The following LGR5 variants were observed in gnomAD, a reference collection of about 807,000 sequenced individuals.
LGR5 encodes leucine-rich repeat-containing G protein-coupled receptor 5.
Under a neutral mutation model 76.7 loss-of-function variants are expected in LGR5, and 54 were observed. The ratio of observed to expected loss-of-function variants is 0.70; its 90% CI spans 0.57 to 0.88. The LOEUF is 0.88. LGR5 is among the 40% of genes least tolerant of loss of function. LGR5 has a pLI of 0.00. For synonymous variants in LGR5, 406 were observed against 421.9 expected (o/e 0.96, Z 0.46); for missense variants, 1,078 against 1,073.3 (o/e 1.00, Z -0.06).
chr12:71,464,381 C>A (rs1292417687), intron 1 of LGR5, among the ~76,000 whole-genome samples: 1 of 152,106 alleles, frequency 6.6e-6, no homozygotes, highest in Non-Finnish European at 1.5e-5. Flanking sequence ...AGGAGCCGTG[C>A]CCAGAATCAA....
chr12:71,469,454 G>C (rs1257478137), intron 1 of LGR5, among the ~76,000 whole-genome samples: 2 of 152,236 alleles, frequency 1.3e-5, no homozygotes, highest in Non-Finnish European at 2.9e-5. Flanking sequence ...CCAATTGCCT[G>C]CCTCCGCGTG....
intron 13 of LGR5, among the ~76,000 whole-genome samples, chr12:71,575,733 T>TGC (rs887665034): frequency 9.0e-6 from 1 of 110,506 alleles, no homozygotes; most frequent in African/African-American, 2.7e-5. Context: ...TGTGTGTGTG[T>TGC]GTGTGTGTGT....
At position 71,524,436 on chromosome 12, in the gene LGR5, TC is replaced by T; in HGVS notation, c.318del (p.Lys107ArgfsTer20). The T allele has an allele frequency of 6.2e-7, 1 of 1,613,432 alleles. No individual in the cohort carries two copies. The highest frequency in any genetic ancestry group is 8.5e-7 in the Non-Finnish European group (1 of 1,179,570). The stretch of plus-strand genomic sequence containing the variant: ...TTGCGGGAAACGCTCTGACATACAT[TC>T]CCAAGGGAGCATTCACTGGCCTTTA... ...RLAGNALTYI[P>X]KGAFTGLYSL... On this transcript the variant is annotated frameshift_variant, in exon 3 of 18. Coordinates refer to ENST00000266674, the MANE Select transcript of LGR5 (RefSeq NM_003667.4). LOFTEE classifies it high-confidence loss of function.
chr12:71,529,772 A>G lies in LGR5; in HGVS notation c.356+5295A>G, dbSNP rs528464449. Among the ~76,000 whole-genome samples, 63 of 152,256 alleles carry G rather than the reference A, an allele frequency of 4.1e-4. 1 individual carries two copies. The highest frequency in any genetic ancestry group is 7.2e-4 in the Non-Finnish European group (49 of 68,018). The stretch of plus-strand genomic sequence containing the variant: ...GGAGTTTAAGACCAACCTGGCCAAC[A>G]TGCTGAAACCTCATCTCTACTAAAA... On this transcript the variant is annotated intron_variant, in intron 3 of 17. Coordinates refer to ENST00000266674, the MANE Select transcript of LGR5 (RefSeq NM_003667.4).
rs1334349130 is a variant in LGR5 at position 71,581,057 on chromosome 12, G to C, written c.1552+634G>C. 3.3e-5 allele frequency among the ~76,000 whole-genome samples: 5 copies of C among 152,126 alleles called. No homozygotes were observed. The East Asian group carries it at 9.6e-4, about 29-fold the overall frequency. The stretch of plus-strand genomic sequence containing the variant: ...ATGATGTTTCCATCAGCTTTTTAAA[G>C]GGTCTGTTTCTGAGGATGTCTTTTT... On this transcript the variant is annotated intron_variant, in intron 16 of 17. Transcript: ENST00000266674.
At chr12:71,534,650 C>T (rs1527107) in intron 3 of LGR5, among the ~76,000 whole-genome samples, 75,381 of 152,044 alleles carry the variant, frequency 0.5, 19,613 homozygotes, top group East Asian at 0.87. Context: ...AGTCCTCACT[C>T]ATTCCTCAGA....
chr12:71,512,980 C>T (rs201652439), intron 2 of LGR5, among the ~76,000 whole-genome samples: 2 of 152,254 alleles, frequency 1.3e-5, no homozygotes, highest in South Asian at 2.1e-4. Flanking sequence ...CTCTGTGTTT[C>T]CCAGTGTAGT....
intron 1 of LGR5, among the ~76,000 whole-genome samples, chr12:71,474,965 C>T (rs1181970758): frequency 1.3e-5 from 2 of 152,108 alleles, no homozygotes; most frequent in African/African-American, 2.4e-5. Flanking sequence ...AAAGCAAAGA[C>T]AGATGATATT....
chr12:71,567,626 C>A (rs901194183), intron 11 of LGR5, among the ~76,000 whole-genome samples: 1 of 152,104 alleles, frequency 6.6e-6, no homozygotes, highest in Non-Finnish European at 1.5e-5. Flanking sequence ...GGCAATTGAG[C>A]GCCTGCAATT....
At chr12:71,526,498 G>C (rs1357305280) in intron 3 of LGR5, among the ~76,000 whole-genome samples, 2 of 151,952 alleles carry the variant, frequency 1.3e-5, no homozygotes, top group East Asian at 3.8e-4. Context: ...AATGTTTCCT[G>C]TCTCCTGTAC....
chr12:71,455,062 G>T (rs1164806424), intron 1 of LGR5, among the ~76,000 whole-genome samples: 1 of 151,956 alleles, frequency 6.6e-6, no homozygotes, highest in African/African-American at 2.4e-5. Flanking sequence ...CAACACATTA[G>T]TTCCAACTGG....
At chr12:71,478,288 T>G (rs1386178053) in intron 1 of LGR5, among the ~76,000 whole-genome samples, 1 of 152,218 alleles carries the variant, frequency 6.6e-6, no homozygotes, top group Non-Finnish European at 1.5e-5. Context: ...AGCATATAAA[T>G]GAATGTTCTA....
intron 1 of LGR5, among the ~76,000 whole-genome samples, chr12:71,503,103 A>C (rs577530685): frequency 1.9e-4 from 29 of 152,348 alleles, no homozygotes; most frequent in African/African-American, 6.5e-4. Flanking sequence ...GAGAAATATC[A>C]AGTCTTTGCA....
At chr12:71,476,075 G>T (rs1158696654) in intron 1 of LGR5, among the ~76,000 whole-genome samples, 1 of 152,080 alleles carries the variant, frequency 6.6e-6, no homozygotes, top group African/African-American at 2.4e-5. Flanking sequence ...ACATATGAGG[G>T]AATATTAGGA....
intron 1 of LGR5, among the ~76,000 whole-genome samples, chr12:71,451,911 A>C (rs1019058313): frequency 4.6e-5 from 7 of 151,942 alleles, no homozygotes; most frequent in African/African-American, 1.5e-4. Context: ...ACAACCCCAC[A>C]ACCACTCCCT....
chr12:71,491,396 T>A, intron 1 of LGR5, among the ~76,000 whole-genome samples: 1 of 151,852 alleles, frequency 6.6e-6, no homozygotes, highest in East Asian at 1.9e-4. Flanking sequence ...TAGATTGACT[T>A]TTTTTTTGTT....
chr12:71,474,522 T>A (rs1326556609), intron 1 of LGR5, among the ~76,000 whole-genome samples: 1 of 152,256 alleles, frequency 6.6e-6, no homozygotes, highest in Non-Finnish European at 1.5e-5. Context: ...CAGAAAAATC[T>A]ATTTTAAAAT....
chr12:71,533,047 A>C (rs1373631499), intron 3 of LGR5, among the ~76,000 whole-genome samples: 1 of 152,096 alleles, frequency 6.6e-6, no homozygotes, highest in Non-Finnish European at 1.5e-5. Flanking sequence ...TAAATAAATA[A>C]ATACATAGGC....
intron 14 of LGR5, 33 bp downstream of exon 14, chr12:71,578,029 T>G: frequency 6.1e-6 from 9 of 1,479,984 alleles, no homozygotes; most frequent in Non-Finnish European, 8.5e-6. Context: ...ATGGTATGTC[T>G]CTTAATAATT....
Sources: allele counts gnomAD v4.1 joint callset (sites outside exome capture counted in the v4.1 genomes callset), GRCh38; gene constraint gnomAD v4.1.1; transcripts MANE v1.5; gene names NCBI Gene and HGNC (gene_info 2026-07-23, HGNC 2026-07-21).